The following CAMSAP2 variants were observed in gnomAD, a reference collection of about 807,000 sequenced individuals.
CAMSAP2 encodes the protein calmodulin regulated spectrin associated protein family member 2, also known as calmodulin-regulated spectrin-associated protein 2.
Under a neutral mutation model 146.1 loss-of-function variants are expected in CAMSAP2, and 26 were observed. The ratio of observed to expected loss-of-function variants is 0.18; its 90% CI spans 0.13 to 0.25. The LOEUF is 0.25. Among genes scored for constraint, CAMSAP2 ranks in the 10% least tolerant of loss-of-function variants. The pLI is 1.00. For missense variants in CAMSAP2, 1,381 were observed against 1,759.3 expected, an observed-to-expected ratio of 0.78 and a Z score of 3.85; for synonymous variants, 499 against 596.6, an observed-to-expected ratio of 0.84 and a Z score of 2.38.
intron 3 of CAMSAP2, among the ~76,000 whole-genome samples, chr1:200,807,739 C>CTTTT (rs397948290): frequency 7.6e-6 from 1 of 131,394 alleles, no homozygotes; most frequent in African/African-American, 2.8e-5. Context: ...TATGATTACT[C>CTTTT]TTTTTTTTTT....
At chr1:200,798,849 C>T (rs1340892214) in intron 2 of CAMSAP2, among the ~76,000 whole-genome samples, 3 of 149,856 alleles carry the variant, frequency 2.0e-5, no homozygotes, top group East Asian at 2.0e-4. Context: ...CCCATCAATA[C>T]CTAATTTATT....
At chr1:200,801,735 C>T (rs1666040985) in intron 2 of CAMSAP2, among the ~76,000 whole-genome samples, 2 of 152,192 alleles carry the variant, frequency 1.3e-5, no homozygotes, top group African/African-American at 4.8e-5. Flanking sequence ...TTAAAGCTTA[C>T]ACCATCTAAA....
chr1:200,767,477 CTTTTTTTT>C (rs11298176), intron 2 of CAMSAP2, among the ~76,000 whole-genome samples: 3 of 138,138 alleles, frequency 2.2e-5, no homozygotes, highest in African/African-American at 8.0e-5. Context: ...TGTTGTCCCT[CTTTTTTTT>C]TTTTTTTTTT....
intron 2 of CAMSAP2, among the ~76,000 whole-genome samples, chr1:200,777,885 A>C (rs184593978): frequency 2.8e-3 from 425 of 152,226 alleles, no homozygotes; most frequent in African/African-American, 9.4e-3. Context: ...GGCTGCAATG[A>C]GCTGTGATTA....
chr1:200,761,741 A>C (rs907540064), intron 2 of CAMSAP2, among the ~76,000 whole-genome samples: 1 of 152,106 alleles, frequency 6.6e-6, no homozygotes, highest in Non-Finnish European at 1.5e-5. Flanking sequence ...GTCTCAAAAA[A>C]AAAAAAAAAA....
At chr1:200,788,887 G>A (rs1351988179) in intron 2 of CAMSAP2, among the ~76,000 whole-genome samples, 3 of 151,648 alleles carry the variant, frequency 2.0e-5, no homozygotes, top group African/African-American at 4.8e-5. Context: ...CCTGACCTCG[G>A]GTGATCCGCC....
intron 4 of CAMSAP2, among the ~76,000 whole-genome samples, chr1:200,821,049 T>C (rs1395089863): frequency 6.6e-6 from 1 of 152,164 alleles, no homozygotes; most frequent in Admixed American, 6.6e-5. Context: ...CTCGATTTCT[T>C]TTATACCATT....
At chr1:200,744,171 A>C (rs1360559398) in intron 1 of CAMSAP2, among the ~76,000 whole-genome samples, 1 of 152,228 alleles carries the variant, frequency 6.6e-6, no homozygotes, top group African/African-American at 2.4e-5. Context: ...ATCTGAACCC[A>C]GGGAATTTGA....
intron 4 of CAMSAP2, among the ~76,000 whole-genome samples, chr1:200,816,605 A>AAAAAATAT (rs1364421397): frequency 9.0e-6 from 1 of 111,214 alleles, no homozygotes; most frequent in Non-Finnish European, 1.9e-5. Context: ...AAAAAAAAAA[A>AAAAAATAT]ATATATATAT....
At chr1:200,797,020 A>T (rs1255133648) in intron 2 of CAMSAP2, among the ~76,000 whole-genome samples, 5 of 152,194 alleles carry the variant, frequency 3.3e-5, no homozygotes, top group Admixed American at 2.6e-4. Flanking sequence ...TTATGGCTGC[A>T]TAGTATTCCA....
Position 200,849,985 on chromosome 1 carries a change from C to G in CAMSAP2, c.3216C>G (p.Val1072=), listed in dbSNP as rs1667573268. 1 of 1,614,000 alleles carries G rather than the reference C, an allele frequency of 6.2e-7. No homozygotes were observed. Among genetic ancestry groups the G allele is most frequent in the African/African-American group, 1.3e-5 (1 of 74,918 alleles). ...IKPFESTVSE[V]LSLPVTETVC... is the part of the protein sequence containing the mutation. ...CTTTTGAGTCAACAGTCTCTGAAGT[C>G]CTATCACTGCCTGTCACAGAGACTG... The change falls in exon 11 of 17, where the codon GTC becomes GTG. Residue 1072 remains valine, a synonymous_variant. Transcript: ENST00000358823. The surrounding 1 kb of genome is among the most constrained non-coding windows in gnomAD (Gnocchi z 6.3).
intron 2 of CAMSAP2, among the ~76,000 whole-genome samples, chr1:200,761,419 T>A (rs1664797842): frequency 1.3e-5 from 2 of 152,158 alleles, no homozygotes; most frequent in Admixed American, 1.3e-4. Context: ...ACTTTATCAT[T>A]AGGAAAGAGT....
At chr1:200,796,926 G>GT (rs1194363599) in intron 2 of CAMSAP2, among the ~76,000 whole-genome samples, 1 of 151,798 alleles carries the variant, frequency 6.6e-6, no homozygotes, top group African/African-American at 2.4e-5. Flanking sequence ...GCGGTGTTTG[G>GT]TTTTTTGTTC....
chr1:200,777,949 C>G (rs1665327260), intron 2 of CAMSAP2, among the ~76,000 whole-genome samples: 1 of 152,104 alleles, frequency 6.6e-6, no homozygotes, highest in African/African-American at 2.4e-5. Context: ...CAGAAAAAAA[C>G]TTGTGAGGCC....
intron 2 of CAMSAP2, 36 bp from the exon 3 acceptor site, chr1:200,807,340 A>G (rs758271769): frequency 7.8e-6 from 11 of 1,404,150 alleles, no homozygotes; most frequent in African/African-American, 1.5e-5. Context: ...TCTAAATATA[A>G]TTTTTAAACT....
Position 200,802,656 on chromosome 1 carries a change from A to G in CAMSAP2, c.400-4720A>G, listed in dbSNP as rs182200487. On this transcript the variant is annotated intron_variant, in intron 2 of 16. Transcript: ENST00000358823. ...GGCAGTCTAGCCACTTTATTAGTCC[A>G]AAAACTAAGTTCATTTTAGGATTTT... Among the ~76,000 whole-genome samples, 17 of 152,300 alleles carry G rather than the reference A, an allele frequency of 1.1e-4. No homozygotes were observed. In the East Asian group the frequency reaches 3.3e-3, roughly 29 times the overall value.
At chr1:200,797,056 A>G (rs1273803889) in intron 2 of CAMSAP2, among the ~76,000 whole-genome samples, 1 of 152,136 alleles carries the variant, frequency 6.6e-6, no homozygotes, top group Non-Finnish European at 1.5e-5. Context: ...ACATTTTCTT[A>G]ATCCAGTCTA....
intron 2 of CAMSAP2, among the ~76,000 whole-genome samples, chr1:200,789,163 G>A (rs77436970): frequency 9.2e-4 from 140 of 151,984 alleles, no homozygotes; most frequent in African/African-American, 3.2e-3. Flanking sequence ...ACACCCTTCC[G>A]CAGTGCAAAA....
rs1667808632 is a variant in CAMSAP2, at chr1:200,858,682, T to G, written c.*623T>G. 1 of 152,672 alleles carries G rather than the reference T, an allele frequency of 6.5e-6. No homozygotes were observed. The highest frequency in any genetic ancestry group is 1.9e-4 in the East Asian group (1 of 5,338). The allele number at this position is 152,672 out of a possible 1,614,324, so 9.5% of individuals were successfully genotyped here. On this transcript the variant is annotated 3_prime_UTR_variant, in exon 17 of 17. Transcript: ENST00000358823. ...TAAGTATTTACAACTCTATTTATTATTCACTCAAGTATTAACATTCTCTAT... is the reference window on the plus strand; with the variant it reads ...TAAGTATTTACAACTCTATTTATTAGTCACTCAAGTATTAACATTCTCTAT...
Sources: allele counts gnomAD v4.1 joint callset (sites outside exome capture counted in the v4.1 genomes callset), GRCh38; gene constraint gnomAD v4.1.1; non-coding constraint Gnocchi (gnomAD v3.1); transcripts MANE v1.5; gene names NCBI Gene and HGNC (gene_info 2026-07-23, HGNC 2026-07-21).